The following SMAD4 variants were observed in gnomAD, a reference collection of about 807,000 sequenced individuals.
The protein encoded by SMAD4 is SMAD family member 4.
A neutral mutation model predicts 63.2 loss-of-function variants in SMAD4; 7 were observed. The ratio of observed to expected loss-of-function variants is 0.11; its 90% CI spans 0.06 to 0.21. SMAD4 has a LOEUF of 0.21. Ranked by LOEUF, SMAD4 falls within the 10% of genes least tolerant of loss-of-function variation. The pLI, the probability that SMAD4 is intolerant of heterozygous loss-of-function variation, is 1.00. For synonymous variants in SMAD4, 215 were observed against 235.4 expected (o/e 0.91, Z 0.79); for missense variants, 312 against 693.8 (o/e 0.45, Z 6.18).
chr18:51,073,388 T>TATATACACACACACACAC, intron 10 of SMAD4, among the ~76,000 whole-genome samples: 1 of 64,160 alleles, frequency 1.6e-5, no homozygotes, highest in African/African-American at 7.6e-5. Context: ...TATATATATA[T>TATATACACACACACACAC]ACACACACAC....
At chr18:51,062,226 A>G (rs2075137417) in intron 8 of SMAD4, among the ~76,000 whole-genome samples, 1 of 152,284 alleles carries the variant, frequency 6.6e-6, no homozygotes, top group Non-Finnish European at 1.5e-5. Context: ...TTTGTAGGTC[A>G]AGGGGTCTAG....
intron 1 of SMAD4, among the ~76,000 whole-genome samples, chr18:51,043,258 A>G (rs8089167): frequency 0.05 from 7,556 of 152,212 alleles, 658 homozygotes; most frequent in African/African-American, 0.17. Context: ...CTGTTTTTGT[A>G]TCTGTAGTGC....
chr18:51,054,496 A>G, intron 4 of SMAD4: 1 of 404,704 alleles, frequency 2.5e-6, no homozygotes. Flanking sequence ...GAAACTGAGG[A>G]GTACCTTTTT....
chr18:51,031,849 T>C (rs927363552), intron 1 of SMAD4, among the ~76,000 whole-genome samples: 1 of 152,206 alleles, frequency 6.6e-6, no homozygotes, highest in African/African-American at 2.4e-5. Context: ...GACTAGATAA[T>C]ATATATTTCA....
Position 51,048,712 on chromosome 18 carries a change from T to C in SMAD4, c.276T>C (p.His92=), listed in dbSNP as rs762501162. ...TGGCTGGTCGGAAAGGATTTCCTCA[T>C]GTGATCTATGCCCGTCTCTGGAGGT... ...LQVAGRKGFP[H]VIYARLWRWP... is the part of the protein sequence containing the mutation. Residue 92 remains histidine (H), a synonymous_variant, in exon 3 of 12, where the codon CAT becomes CAC. Transcript: ENST00000342988. 5.6e-6 allele frequency: 9 copies of C among 1,610,372 alleles called. No individual in the cohort carries two copies. Among genetic ancestry groups the C allele is most frequent in the Middle Eastern group, 1.6e-4 (1 of 6,064 alleles).
intron 7 of SMAD4, among the ~76,000 whole-genome samples, chr18:51,059,211 A>G (rs959935002): frequency 6.6e-6 from 1 of 152,050 alleles, no homozygotes; most frequent in East Asian, 1.9e-4. Context: ...TTATGTTACT[A>G]TTTTTTCCAT....
intron 4 of SMAD4, chr18:51,053,189 G>A (rs1249294784): frequency 6.6e-6 from 1 of 152,146 alleles, no homozygotes; most frequent in East Asian, 1.9e-4. Context: ...TGAGTACCAA[G>A]TTGACCAGTT....
At chr18:51,070,196 C>T (rs1269899445) in intron 10 of SMAD4, among the ~76,000 whole-genome samples, 2 of 152,080 alleles carry the variant, frequency 1.3e-5, no homozygotes, top group African/African-American at 2.4e-5. Flanking sequence ...TAAACTTAAT[C>T]AGATATGGAG....
chr18:51,041,750 C>G (rs1199566275), intron 1 of SMAD4, among the ~76,000 whole-genome samples: 1 of 152,196 alleles, frequency 6.6e-6, no homozygotes, highest in East Asian at 1.9e-4. Context: ...CTTTGTCAGT[C>G]TAATTTCTGA....
chr18:51,047,738 A>G (rs1909588267), intron 2 of SMAD4, among the ~76,000 whole-genome samples: 1 of 151,798 alleles, frequency 6.6e-6, no homozygotes, highest in Non-Finnish European at 1.5e-5. Flanking sequence ...CCTCCTAAGT[A>G]GCTGGGACTA....
In SMAD4 at chr18:51,080,138, G is replaced by C. The variant is rs1599206917; in HGVS notation, c.*1671G>C. The C allele has an allele frequency of 4.3e-6, 1 of 232,628 alleles. No homozygotes were observed. Among genetic ancestry groups the C allele is most frequent in the Non-Finnish European group, 8.5e-6 (1 of 117,732 alleles). 14.4% of individuals were successfully genotyped at this position (232,628 alleles called of 1,614,324 possible). On this transcript the variant is annotated 3_prime_UTR_variant, in exon 12 of 12. Coordinates refer to ENST00000342988, the MANE Select transcript of SMAD4 (RefSeq NM_005359.6). ...TTAGCTATAGAAACACTTGTGTGAT[G>C]ATAGTCCTCCTTATATCACCTGGAA...
intron 1 of SMAD4, among the ~76,000 whole-genome samples, chr18:51,035,803 T>C (rs1454493266): frequency 1.3e-5 from 2 of 152,174 alleles, no homozygotes; most frequent in Non-Finnish European, 2.9e-5. Flanking sequence ...TATGGAGTAG[T>C]TTCATCTCTG....
In SMAD4 at chr18:51,079,799, A is replaced by AT. The variant is rs2144483031; in HGVS notation, c.*1337dup. The AT allele has an allele frequency of 4.3e-6, 1 of 232,870 alleles. No individual in the cohort carries two copies. The highest frequency in any genetic ancestry group is 2.2e-5 in the African/African-American group (1 of 45,416). The allele number at this position is 232,870 out of a possible 1,614,324, so 14.4% of individuals were successfully genotyped here. On this transcript the variant is annotated 3_prime_UTR_variant, in exon 12 of 12. Transcript: ENST00000342988. ...CATACAAAGTTGAATTCTAGGTTTG[A>AT]TTTTTAAGATTTTTTTTTTCTTTTG... is the stretch of plus-strand genomic sequence containing the variant.
At chr18:51,065,302 A>C (rs920958509) in intron 8 of SMAD4, 121 bp from the exon 9 acceptor site, 32 of 806,796 alleles carry the variant, frequency 4.0e-5, no homozygotes, top group Non-Finnish European at 6.3e-5. Context: ...TTTTGGGTGC[A>C]TTACATTTCC....
intron 10 of SMAD4, among the ~76,000 whole-genome samples, chr18:51,073,388 T>TATACAC (rs1417299090): frequency 4.2e-4 from 27 of 64,160 alleles, no homozygotes; most frequent in South Asian, 5.9e-4. Context: ...TATATATATA[T>TATACAC]ACACACACAC....
intron 7 of SMAD4, 57 bp from the exon 8 acceptor site, chr18:51,059,809 T>G: frequency 7.8e-7 from 1 of 1,280,628 alleles, no homozygotes; most frequent in Non-Finnish European, 1.1e-6. Flanking sequence ...ACTGAAAGTT[T>G]TAGCATTAGA....
intron 1 of SMAD4, among the ~76,000 whole-genome samples, chr18:51,037,963 G>A (rs1909254141): frequency 6.6e-6 from 1 of 152,118 alleles, no homozygotes; most frequent in Non-Finnish European, 1.5e-5. Context: ...TTTCTGATGA[G>A]ATGGGTGGTG....
rs1046165739 is a variant in SMAD4, at chr18:51,078,134, GA to G, written c.1448-121del. ...ACTGTTACTTCTTGGCACTTTAGCA[GA>G]GAAGTTATATGCTGAGGAGAATGAA... is the stretch of plus-strand genomic sequence containing the variant. On this transcript the variant is annotated intron_variant, in intron 11 of 11. Transcript: ENST00000342988. 9 of 824,284 alleles carry G rather than the reference GA, an allele frequency of 1.1e-5. No individual in the cohort carries two copies. The African/African-American group carries it at 1.5e-4, about 14-fold the overall frequency. 51.1% of individuals were successfully genotyped at this position (824,284 alleles called of 1,614,324 possible). A position where few individuals can be genotyped will look rare whatever the true frequency, so the allele number is the denominator to read the frequency against.
At chr18:51,073,557 G>A (rs1204105357) in intron 10 of SMAD4, among the ~76,000 whole-genome samples, 2 of 151,406 alleles carry the variant, frequency 1.3e-5, no homozygotes, top group East Asian at 3.9e-4. Context: ...TTGAGACGGA[G>A]TCTTGCTCTG....
Sources: allele counts gnomAD v4.1 joint callset (sites outside exome capture counted in the v4.1 genomes callset), GRCh38; gene constraint gnomAD v4.1.1; transcripts MANE v1.5; gene names NCBI Gene and HGNC (gene_info 2026-07-23, HGNC 2026-07-21).